Variants in AGBL1 observed in about 807,000 individuals in gnomAD.
The protein encoded by AGBL1 is AGBL carboxypeptidase 1.
A neutral mutation model predicts 118.9 loss-of-function variants in AGBL1; 130 were observed. The ratio of observed to expected loss-of-function variants is 1.09; its 90% CI spans 0.95 to 1.26. The LOEUF (loss-of-function observed/expected upper bound fraction) is 1.26, where lower values mean the gene tolerates loss of function less well. Among genes scored for constraint, AGBL1 ranks in the 50% most tolerant of loss-of-function variants. The pLI, the probability that AGBL1 is intolerant of heterozygous loss-of-function variation, is 0.00. For missense variants in AGBL1, 1,584 were observed against 1,298.1 expected (o/e 1.22, Z -3.38); for synonymous variants, 555 against 478.9 (o/e 1.16, Z -2.08).
intron 24 of AGBL1, among the ~76,000 whole-genome samples, chr15:86,992,212 C>A (rs576906559): frequency 6.6e-6 from 1 of 152,126 alleles, no homozygotes; most frequent in African/African-American, 2.4e-5. Flanking sequence ...CATGTGCTCT[C>A]AGATTGAGAA....
intron 22 of AGBL1, among the ~76,000 whole-genome samples, chr15:86,688,778 A>G (rs1049162068): frequency 7.2e-5 from 11 of 152,126 alleles, no homozygotes; most frequent in Admixed American, 7.2e-4. Flanking sequence ...GCATATCTAT[A>G]TATCTATATA....
At chr15:86,242,116 A>G (rs2078650193) in intron 6 of AGBL1, among the ~76,000 whole-genome samples, 1 of 152,158 alleles carries the variant, frequency 6.6e-6, no homozygotes, top group Non-Finnish European at 1.5e-5. Context: ...TTCTTCTGCC[A>G]TGATTGTGAG....
chr15:86,279,869 C>T, intron 16 of AGBL1, 86 bp downstream of exon 16: 1 of 1,505,900 alleles, frequency 6.6e-7, no homozygotes, highest in Admixed American at 1.7e-5. Flanking sequence ...ACCCTGACAT[C>T]CTGATGGGGT....
At chr15:86,490,415 C>T (rs1469987633) in intron 18 of AGBL1, among the ~76,000 whole-genome samples, 2 of 152,048 alleles carry the variant, frequency 1.3e-5, no homozygotes, top group East Asian at 1.9e-4. Context: ...CGAAAGGTTC[C>T]TCTTGTTTTT....
chr15:86,834,699 C>A (rs150188643), intron 22 of AGBL1, among the ~76,000 whole-genome samples: 1 of 152,116 alleles, frequency 6.6e-6, no homozygotes, highest in Non-Finnish European at 1.5e-5. Flanking sequence ...GGAGCCAACT[C>A]GGCATGGACT....
intron 20 of AGBL1, among the ~76,000 whole-genome samples, chr15:86,549,529 T>C (rs953246071): frequency 1.3e-5 from 2 of 151,870 alleles, no homozygotes; most frequent in Non-Finnish European, 2.9e-5. Context: ...TTTAAAAACA[T>C]TTAAAAAATA....
At chr15:86,831,849 C>T (rs2079109028) in intron 22 of AGBL1, among the ~76,000 whole-genome samples, 1 of 152,186 alleles carries the variant, frequency 6.6e-6, no homozygotes, top group African/African-American at 2.4e-5. Context: ...CCCACATCTC[C>T]CTTTTGCACT....
At chr15:86,922,965 A>G (rs532334047) in intron 23 of AGBL1, among the ~76,000 whole-genome samples, 2 of 152,322 alleles carry the variant, frequency 1.3e-5, no homozygotes, top group Non-Finnish European at 2.9e-5. Context: ...GAGATGTTCA[A>G]TCTGACTGTG....
intron 17 of AGBL1, chr15:86,297,026 T>C (rs1310188342): frequency 6.6e-6 from 1 of 152,090 alleles, no homozygotes; most frequent in African/African-American, 2.4e-5. Context: ...AGAAGAGGAC[T>C]TGAAACATGC....
chr15:86,354,630 G>A (rs1303002406), intron 17 of AGBL1, among the ~76,000 whole-genome samples: 2 of 152,212 alleles, frequency 1.3e-5, no homozygotes, highest in Non-Finnish European at 2.9e-5. Flanking sequence ...GACAGTTGAA[G>A]TTTAGTATAT....
chr15:86,419,267 T>A (rs1475965885), intron 18 of AGBL1, among the ~76,000 whole-genome samples: 1 of 151,908 alleles, frequency 6.6e-6, no homozygotes, highest in Non-Finnish European at 1.5e-5. Flanking sequence ...ACCTAGCTCA[T>A]CTTCATCTCA....
chr15:86,709,503 C>T (rs1261640183), intron 22 of AGBL1, among the ~76,000 whole-genome samples: 1 of 152,042 alleles, frequency 6.6e-6, no homozygotes, highest in Admixed American at 6.6e-5. Flanking sequence ...GGCATTGGCT[C>T]GAAATATATT....
At chr15:86,495,773 T>G (rs2082844508) in intron 18 of AGBL1, among the ~76,000 whole-genome samples, 1 of 151,962 alleles carries the variant, frequency 6.6e-6, no homozygotes, top group African/African-American at 2.4e-5. Flanking sequence ...GCATCTTCTC[T>G]GTTTGGTATA....
intron 23 of AGBL1, among the ~76,000 whole-genome samples, chr15:86,934,158 C>T (rs1424570987): frequency 1.3e-5 from 2 of 152,168 alleles, no homozygotes; most frequent in African/African-American, 4.8e-5. Context: ...TGATAAACAG[C>T]TAAAAGCTGC....
chr15:86,985,744 G>A (rs940699148), intron 23 of AGBL1, among the ~76,000 whole-genome samples: 1 of 151,972 alleles, frequency 6.6e-6, no homozygotes, highest in South Asian at 2.1e-4. Flanking sequence ...GAAGTCCAAC[G>A]TATCAACATT....
intron 14 of AGBL1, among the ~76,000 whole-genome samples, chr15:86,270,998 A>G (rs1038160548): frequency 1.3e-4 from 19 of 147,632 alleles, no homozygotes; most frequent in African/African-American, 4.8e-4. Context: ...CCTCAAAGCT[A>G]GTAGTGTTGC....
intron 22 of AGBL1, among the ~76,000 whole-genome samples, chr15:86,873,144 C>G (rs529153572): frequency 1.3e-5 from 2 of 152,314 alleles, no homozygotes; most frequent in East Asian, 3.9e-4. Context: ...GTTTTCATCT[C>G]TGCAGGAGCA....
chr15:86,924,721 G>A (rs778878375), intron 23 of AGBL1, among the ~76,000 whole-genome samples: 5 of 152,056 alleles, frequency 3.3e-5, no homozygotes. Context: ...TAGTTTCCAT[G>A]TGCACGATAA....
At chr15:86,559,541 G>A (rs530896073) in intron 21 of AGBL1, among the ~76,000 whole-genome samples, 2 of 152,142 alleles carry the variant, frequency 1.3e-5, no homozygotes, top group African/African-American at 2.4e-5. Context: ...GGCTGCTCCA[G>A]TATTATAATA....
Sources: allele counts gnomAD v4.1 joint callset (sites outside exome capture counted in the v4.1 genomes callset), GRCh38; gene constraint gnomAD v4.1.1; transcripts MANE v1.5; gene names NCBI Gene and HGNC (gene_info 2026-07-23, HGNC 2026-07-21).